RNF175: variants seen among roughly 807,000 people sequenced by gnomAD.
RNF175 encodes the protein ring finger protein 175.
In RNF175, 38 loss-of-function variants were observed where a neutral mutation model predicts 50.0. That is an observed-to-expected ratio of 0.76 (90% CI 0.59 to 1.00). RNF175 has a LOEUF of 1.00. Among genes scored for constraint, RNF175 ranks in the 50% least tolerant of loss-of-function variants. The pLI, the probability that RNF175 is intolerant of heterozygous loss-of-function variation, is 0.00. For missense variants in RNF175, 388 were observed against 409.6 expected, an observed-to-expected ratio of 0.95 and a Z score of 0.46; for synonymous variants, 155 against 146.1, an observed-to-expected ratio of 1.06 and a Z score of -0.44.
At chr4:153,734,665 C>CTTTT (rs56211482) in intron 3 of RNF175, among the ~76,000 whole-genome samples, 2 of 73,180 alleles carry the variant, frequency 2.7e-5, no homozygotes, top group African/African-American at 8.3e-5. Context: ...TTTTTTTATT[C>CTTTT]TTTTTTTTTT....
chr4:153,744,005 C>T (rs991081953), intron 3 of RNF175, among the ~76,000 whole-genome samples: 9 of 152,146 alleles, frequency 5.9e-5, no homozygotes, highest in Non-Finnish European at 1.5e-5. Flanking sequence ...CAGGTAGAGC[C>T]AGTGTGTAAG....
chr4:153,714,534 T>C (rs943824655), intron 7 of RNF175: 21 of 152,224 alleles, frequency 1.4e-4, no homozygotes, highest in African/African-American at 4.8e-4. Context: ...AACCATCTCA[T>C]AATGCCAGAG....
chr4:153,759,956 G>A lies in RNF175; in HGVS notation c.-94C>T, dbSNP rs868662846. ...GAGGCGCCGCGGGGCCTCGGGAGCC[G>A]AGGGTGAGAGCCGGATCTGCGGCGG... On this transcript the variant is annotated 5_prime_UTR_variant, in exon 1 of 9. Transcript: ENST00000347063. 2.8e-6 allele frequency: 2 copies of A among 710,532 alleles called. No homozygotes were observed. Among genetic ancestry groups the A allele is most frequent in the Non-Finnish European group, 4.0e-6 (2 of 498,348 alleles). 44.0% of individuals were successfully genotyped at this position (710,532 alleles called of 1,614,324 possible).
rs1739132658 is a variant in RNF175 at position 153,733,056 on chromosome 4, G to A, written c.247-4695C>T. Among the ~76,000 whole-genome samples, 3 of 151,998 alleles carry A rather than the reference G, an allele frequency of 2.0e-5. No individual in the cohort carries two copies. The South Asian group carries it at 6.3e-4, about 32-fold the overall frequency. The stretch of plus-strand genomic sequence containing the variant: ...TAAATAAACCATTTCTTTTGCTTTA[G>A]GTATTTATAATAAGCTGCTCTGATG... On this transcript the variant is annotated intron_variant, in intron 3 of 8. Transcript: ENST00000347063.
At chr4:153,738,350 ATT>A (rs372942042) in intron 3 of RNF175, among the ~76,000 whole-genome samples, 5 of 145,500 alleles carry the variant, frequency 3.4e-5, no homozygotes, top group Admixed American at 6.8e-5. Flanking sequence ...CATCTGGCTA[ATT>A]TTTTTTTTTT....
chr4:153,720,158 T>C, intron 6 of RNF175, 26 bp downstream of exon 6: 1 of 1,611,318 alleles, frequency 6.2e-7, no homozygotes, highest in Non-Finnish European at 8.5e-7. Context: ...TCATACATGG[T>C]TTCAGAAAAT....
intron 4 of RNF175, chr4:153,727,862 G>A: frequency 6.3e-6 from 1 of 159,060 alleles, no homozygotes; most frequent in Non-Finnish European, 1.4e-5. Context: ...ATTTTAAAAT[G>A]TGTGACACAA....
chr4:153,759,433 C>T (rs1380550381), intron 1 of RNF175, among the ~76,000 whole-genome samples: 1 of 152,164 alleles, frequency 6.6e-6, no homozygotes, highest in East Asian at 1.9e-4. Context: ...CTGGGGGCTT[C>T]CGCCGAGGAG....
chr4:153,717,082 T>G (rs1737981438), intron 6 of RNF175, among the ~76,000 whole-genome samples: 1 of 152,224 alleles, frequency 6.6e-6, no homozygotes, highest in Non-Finnish European at 1.5e-5. Context: ...GACTATTCTC[T>G]TCCACTTATT....
intron 2 of RNF175, among the ~76,000 whole-genome samples, chr4:153,750,258 G>A (rs778578876): frequency 6.6e-6 from 1 of 152,064 alleles, no homozygotes; most frequent in Non-Finnish European, 1.5e-5. Context: ...AACACCACAG[G>A]GTAACAGTCT....
chr4:153,710,237 C>T lies in RNF175; in HGVS notation c.*132G>A, dbSNP rs531928343. On this transcript the variant is annotated 3_prime_UTR_variant, in exon 9 of 9. Transcript: ENST00000347063. ...TCTCTTTAAATTCTTTCCACATGGA[C>T]AAATTGCTTGACAACAAAGTTTACT... 49 of 655,264 alleles carry T rather than the reference C, an allele frequency of 7.5e-5. No individual in the cohort carries two copies. The South Asian group carries it at 1.2e-3, about 16-fold the overall frequency. 40.6% of individuals were successfully genotyped at this position (655,264 alleles called of 1,614,324 possible).
intron 7 of RNF175, chr4:153,714,911 C>G (rs904572795): frequency 1.2e-5 from 2 of 161,506 alleles, no homozygotes; most frequent in African/African-American, 4.8e-5. Flanking sequence ...GCCCATGGTC[C>G]AAGAACAAAT....
At chr4:153,756,865 G>A (rs1334162760) in intron 1 of RNF175, among the ~76,000 whole-genome samples, 1 of 152,200 alleles carries the variant, frequency 6.6e-6, no homozygotes, top group Admixed American at 6.5e-5. Context: ...AGGGTGGCTA[G>A]GGGAAGATGA....
chr4:153,741,676 A>G (rs1380514991), intron 3 of RNF175, among the ~76,000 whole-genome samples: 2 of 152,150 alleles, frequency 1.3e-5, no homozygotes, highest in African/African-American at 4.8e-5. Context: ...TTGTTGTAAG[A>G]TAAAAGTGCT....
intron 6 of RNF175, among the ~76,000 whole-genome samples, chr4:153,717,404 A>G (rs1394659395): frequency 6.6e-6 from 1 of 152,092 alleles, no homozygotes; most frequent in African/African-American, 2.4e-5. Context: ...GTAGAATGAT[A>G]TTAGAAAACA....
chr4:153,725,278 T>C (rs1468635656), intron 4 of RNF175, among the ~76,000 whole-genome samples: 3 of 152,064 alleles, frequency 2.0e-5, no homozygotes, highest in African/African-American at 7.2e-5. Context: ...GAGCCATGGG[T>C]TCTTTTCATT....
chr4:153,756,659 GT>G (rs1249626654), intron 1 of RNF175, among the ~76,000 whole-genome samples: 1 of 152,192 alleles, frequency 6.6e-6, no homozygotes, highest in Admixed American at 6.5e-5. Flanking sequence ...CAGCCACTGG[GT>G]TAAGAGCTGG....
At position 153,748,659 on chromosome 4, in the gene RNF175, C is replaced by CA. The variant is rs1740112434; in HGVS notation, c.231dup (p.Gly78TrpfsTer97). ...GGATGACTCACATTGTAGGATCGGC[C>CA]ATGCCTCTGTCTCCACTGAACCAGC... On this transcript the variant is annotated frameshift_variant, in exon 3 of 9. Coordinates refer to ENST00000347063, the MANE Select transcript of RNF175 (RefSeq NM_173662.4). LOFTEE classifies it high-confidence loss of function. 2 of 1,595,746 alleles carry CA rather than the reference C, an allele frequency of 1.3e-6. No homozygotes were observed. Among genetic ancestry groups the CA allele is most frequent in the Non-Finnish European group, 1.7e-6 (2 of 1,171,182 alleles).
intron 4 of RNF175, 138 bp downstream of exon 4, chr4:153,728,068 TG>T (rs1738809367): frequency 2.0e-6 from 1 of 500,898 alleles, no homozygotes; most frequent in Non-Finnish European, 3.4e-6. Flanking sequence ...ATTTCTCAAT[TG>T]TTTTGCTACC....
Sources: gnomAD v4.1 joint callset for allele counts (sites outside exome capture counted in the v4.1 genomes callset) on GRCh38, gnomAD v4.1.1 for gene constraint, MANE v1.5 for transcripts, NCBI Gene and HGNC (gene_info 2026-07-23, HGNC 2026-07-21) for gene names.